Variants in NFIB observed in about 807,000 individuals in gnomAD.
NFIB encodes nuclear factor 1 B-type.
NFIB carries 11 observed loss-of-function variants against 61.5 expected under a neutral mutation model. The ratio of observed to expected loss-of-function variants is 0.18; its 90% CI spans 0.11 to 0.30. The LOEUF is 0.30. NFIB is among the 10% of genes least tolerant of loss of function. The pLI is 1.00. For missense variants in NFIB, 471 were observed against 608.9 expected (o/e 0.77, Z 2.38); for synonymous variants, 260 against 216.5 (o/e 1.20, Z -1.76).
At chr9:14,147,002 C>A (rs2042339463) in intron 5 of NFIB, among the ~76,000 whole-genome samples, 195 bp from the exon 6 acceptor site, 1 of 151,830 alleles carries the variant, frequency 6.6e-6, no homozygotes, top group Non-Finnish European at 1.5e-5. Flanking sequence ...TTTATTAGAC[C>A]ATCTTATACC....
chr9:14,266,764 C>G (rs73645030), intron 2 of NFIB, among the ~76,000 whole-genome samples: 9,428 of 152,154 alleles, frequency 0.062, 352 homozygotes, highest in African/African-American at 0.093. Flanking sequence ...TCACCAAGTT[C>G]TTTTTCCTCA....
intron 10 of NFIB, among the ~76,000 whole-genome samples, chr9:14,091,512 G>T (rs1258740981): frequency 6.6e-6 from 1 of 151,946 alleles, no homozygotes; most frequent in Non-Finnish European, 1.5e-5. Context: ...TTCATAGTGA[G>T]AATTACTATA....
chr9:14,301,018 T>C (rs1046047614), intron 2 of NFIB, among the ~76,000 whole-genome samples: 3 of 152,192 alleles, frequency 2.0e-5, no homozygotes, highest in Admixed American at 6.5e-5. Context: ...ATTCCAAATT[T>C]AGGGAAAAAC....
chr9:14,351,932 G>C (rs1342883135), intron 1 of NFIB, among the ~76,000 whole-genome samples: 1 of 152,166 alleles, frequency 6.6e-6, no homozygotes, highest in Non-Finnish European at 1.5e-5. Context: ...GGCATACATG[G>C]ATCTGAGAGC....
At chr9:14,358,748 A>C (rs2061205493) in intron 1 of NFIB, among the ~76,000 whole-genome samples, 1 of 152,176 alleles carries the variant, frequency 6.6e-6, no homozygotes, top group African/African-American at 2.4e-5. Context: ...AGCGTATTTT[A>C]TCCAGTGGTC....
At chr9:14,231,135 A>AAAAATATAT (rs55959148) in intron 2 of NFIB, among the ~76,000 whole-genome samples, 5 of 35,348 alleles carry the variant, frequency 1.4e-4, no homozygotes, top group South Asian at 3.6e-3. Flanking sequence ...AAAAAAAAAA[A>AAAAATATAT]ATATATATAT....
At chr9:14,425,607 A>ATTTTTTTTTT in the NFIB span, among the ~76,000 whole-genome samples, 5 of 99,052 alleles carry the variant, frequency 5.0e-5, no homozygotes, top group Non-Finnish European at 6.0e-5. Flanking sequence ...TTGCTACATA[A>ATTTTTTTTTT]TTTTTTTTTT....
chr9:14,491,463 C>T, the NFIB span, among the ~76,000 whole-genome samples: 1 of 152,170 alleles, frequency 6.6e-6, no homozygotes, highest in African/African-American at 2.4e-5. Context: ...ACAACTACAA[C>T]CATTCTGGGG....
At chr9:14,324,322 TAAA>T (rs1403432106) in intron 1 of NFIB, among the ~76,000 whole-genome samples, 1 of 152,128 alleles carries the variant, frequency 6.6e-6, no homozygotes. Flanking sequence ...TGCAGCTAAA[TAAA>T]AAATTTATTT....
At chr9:14,388,987 C>A (rs2061588213) in intron 1 of NFIB, among the ~76,000 whole-genome samples, 1 of 152,120 alleles carries the variant, frequency 6.6e-6, no homozygotes. Context: ...AAATCAGAAA[C>A]TTAAGGGTTG....
At chr9:14,417,046 C>G in the NFIB span, among the ~76,000 whole-genome samples, 1 of 151,462 alleles carries the variant, frequency 6.6e-6, no homozygotes, top group Admixed American at 6.6e-5. Flanking sequence ...GTGTGTGTCA[C>G]CACACCCGGC....
chr9:14,201,169 C>G (rs1018885947), intron 2 of NFIB, among the ~76,000 whole-genome samples: 1 of 152,188 alleles, frequency 6.6e-6, no homozygotes, highest in Non-Finnish European at 1.5e-5. Flanking sequence ...TCACTCTTCA[C>G]ACTATAACCA....
chr9:14,107,961 A>C lies in NFIB; in HGVS notation c.1467+5038T>G, dbSNP rs552392685. On this transcript the variant is annotated intron_variant, in intron 10 of 10. Coordinates refer to ENST00000380953, the MANE Select transcript of NFIB (RefSeq NM_001190737.2). The stretch of plus-strand genomic sequence containing the variant: ...AATTAGAACAGCTTATCTGGATATT[A>C]GTCTTTGATTCCCAGTAAAGGTAAG... Among the ~76,000 whole-genome samples the C allele has an allele frequency of 3.3e-5, 5 of 152,302 alleles. No individual in the cohort carries two copies. The East Asian group carries it at 9.6e-4, about 29-fold the overall frequency.
chr9:14,402,679 T>A (rs1588427915), upstream of NFIB, among the ~76,000 whole-genome samples: 1 of 152,020 alleles, frequency 6.6e-6, no homozygotes, highest in South Asian at 2.1e-4. Context: ...TTTGAAAAAA[T>A]TTGAAGGGGG....
the NFIB span, among the ~76,000 whole-genome samples, chr9:14,474,490 C>T: frequency 5.9e-5 from 9 of 152,182 alleles, no homozygotes; most frequent in African/African-American, 1.9e-4. Context: ...ATAGCATTCG[C>T]CCCGTTTTCT....
chr9:14,456,591 C>G, the NFIB span, among the ~76,000 whole-genome samples: 2 of 152,128 alleles, frequency 1.3e-5, no homozygotes, highest in Admixed American at 1.3e-4. Flanking sequence ...AAAGGATGCT[C>G]AGCCTCACTC....
At chr9:14,525,370 C>A in the NFIB span, among the ~76,000 whole-genome samples, 2 of 152,142 alleles carry the variant, frequency 1.3e-5, no homozygotes, top group Non-Finnish European at 2.9e-5. Flanking sequence ...TGAGGGTTTT[C>A]GTGTTCTCTC....
At chr9:14,246,518 T>TC (rs1185138282) in intron 2 of NFIB, among the ~76,000 whole-genome samples, 1 of 152,176 alleles carries the variant, frequency 6.6e-6, no homozygotes, top group Non-Finnish European at 1.5e-5. Context: ...GAGCCTTCAG[T>TC]CCCTTTGTTG....
intron 2 of NFIB, among the ~76,000 whole-genome samples, chr9:14,258,151 T>C (rs2056406456): frequency 6.6e-6 from 1 of 152,238 alleles, no homozygotes; most frequent in Non-Finnish European, 1.5e-5. Context: ...AGGTACTGCT[T>C]ATCATCACTG....
Sources: gnomAD v4.1 joint callset for allele counts (sites outside exome capture counted in the v4.1 genomes callset) on GRCh38, gnomAD v4.1.1 for gene constraint, MANE v1.5 for transcripts, NCBI Gene and HGNC (gene_info 2026-07-23, HGNC 2026-07-21) for gene names.